CELF4: variants seen among roughly 807,000 people sequenced by gnomAD.
CELF4 encodes the protein CUG-BP- and ETR-3-like factor 4.
CELF4 carries 18 observed loss-of-function variants against 59.9 expected under a neutral mutation model. The observed-to-expected ratio is 0.30, with a 90% CI of 0.21 to 0.45. The LOEUF is 0.45. Ranked by LOEUF, CELF4 falls within the 20% of genes least tolerant of loss-of-function variation. The pLI, the probability that CELF4 is intolerant of heterozygous loss-of-function variation, is 1.00. For missense variants in CELF4, 456 were observed against 689.0 expected, an observed-to-expected ratio of 0.66 and a Z score of 3.79; for synonymous variants, 261 against 267.1, an observed-to-expected ratio of 0.98 and a Z score of 0.22.
chr18:37,513,932 G>C (rs1296966257), intron 1 of CELF4, among the ~76,000 whole-genome samples: 3 of 140,310 alleles, frequency 2.1e-5, no homozygotes, highest in Non-Finnish European at 4.6e-5. Flanking sequence ...CTTCCCTTCT[G>C]TGTGGTGCCG....
chr18:37,388,726 G>A (rs552709563), intron 2 of CELF4, among the ~76,000 whole-genome samples: 1 of 152,258 alleles, frequency 6.6e-6, no homozygotes, highest in Admixed American at 6.5e-5. Flanking sequence ...ATGGGAGTAG[G>A]GGGCCTCCCA....
chr18:37,503,152 G>A (rs906833295), intron 1 of CELF4, among the ~76,000 whole-genome samples: 18 of 152,212 alleles, frequency 1.2e-4, no homozygotes, highest in African/African-American at 4.1e-4. Context: ...ATGTGTGTGT[G>A]TCTAAAGGCC....
chr18:37,297,297 A>G lies in CELF4; in HGVS notation c.449-22054T>C, dbSNP rs570196255. Among the ~76,000 whole-genome samples, 3 of 152,334 alleles carry G rather than the reference A, an allele frequency of 2.0e-5. No homozygotes were observed. The South Asian group carries it at 6.2e-4, about 32-fold the overall frequency. On this transcript the variant is annotated intron_variant, in intron 3 of 12. Coordinates refer to ENST00000420428, the MANE Select transcript of CELF4 (RefSeq NM_020180.4). Reference sequence around the variant, plus strand: ...CCAAGGGGCCTTGAATCCCACCATTAGAGCCTCATCTCTTTGGGGTAAGCA... The same window carrying G: ...CCAAGGGGCCTTGAATCCCACCATTGGAGCCTCATCTCTTTGGGGTAAGCA...
intron 1 of CELF4, among the ~76,000 whole-genome samples, chr18:37,527,771 A>G (rs574368501): frequency 3.3e-5 from 5 of 152,284 alleles, no homozygotes; most frequent in African/African-American, 1.2e-4. Context: ...TTTTCCACAC[A>G]TGCTTTACCT....
intron 3 of CELF4, among the ~76,000 whole-genome samples, chr18:37,321,541 G>A (rs762737281): frequency 6.6e-6 from 1 of 152,206 alleles, no homozygotes; most frequent in Non-Finnish European, 1.5e-5. Context: ...GAGGGGAGAA[G>A]AATATCCTGG....
intron 1 of CELF4, among the ~76,000 whole-genome samples, chr18:37,510,917 C>CCT (rs2099943571): frequency 6.6e-6 from 1 of 152,164 alleles, no homozygotes; most frequent in Non-Finnish European, 1.5e-5. Context: ...GCTCTGCCTT[C>CCT]CTGGGTGGTC....
At chr18:37,388,450 T>C (rs909262548) in intron 2 of CELF4, among the ~76,000 whole-genome samples, 1 of 151,130 alleles carries the variant, frequency 6.6e-6, no homozygotes, top group Admixed American at 6.6e-5. Context: ...CTCTCCTTCT[T>C]CTCTGTCTTC....
intron 2 of CELF4, among the ~76,000 whole-genome samples, chr18:37,412,433 G>C (rs1029897349): frequency 6.6e-6 from 1 of 152,186 alleles, no homozygotes; most frequent in Non-Finnish European, 1.5e-5. Context: ...AATATAGATG[G>C]ATGGATGGAT....
intron 2 of CELF4, among the ~76,000 whole-genome samples, chr18:37,484,370 G>A (rs1013502403): frequency 3.3e-5 from 5 of 152,130 alleles, no homozygotes; most frequent in African/African-American, 1.2e-4. Flanking sequence ...ATGTAGCCGC[G>A]CAACTGAAAA....
chr18:37,262,793 G>A (rs2075536954), intron 10 of CELF4, among the ~76,000 whole-genome samples: 1 of 152,166 alleles, frequency 6.6e-6, no homozygotes, highest in Non-Finnish European at 1.5e-5. Flanking sequence ...TTGGACTGTG[G>A]GGAAGGCAAG....
Position 37,245,347 on chromosome 18 carries a change from T to C in CELF4, c.*45-150A>G, listed in dbSNP as rs2154246563. On this transcript the variant is annotated intron_variant, in intron 12 of 12. Coordinates refer to ENST00000420428, the MANE Select transcript of CELF4 (RefSeq NM_020180.4). The surrounding 1 kb of genome is among the most constrained non-coding windows in gnomAD (Gnocchi z 4.1). Reference sequence around the variant, plus strand: ...GAGAGACCAGTATGAGAATTAGTCATGATCATGATACATTAAAAAGAAATA... The same window carrying C: ...GAGAGACCAGTATGAGAATTAGTCACGATCATGATACATTAAAAAGAAATA... 6.6e-6 allele frequency: 1 copy of C among 152,142 alleles called. No individual in the cohort carries two copies. Among genetic ancestry groups the C allele is most frequent in the East Asian group, 1.9e-4 (1 of 5,156 alleles). The allele number at this position is 152,142 out of a possible 1,614,324, so 9.4% of individuals were successfully genotyped here. A position where few individuals can be genotyped will look rare whatever the true frequency, so the allele number is the denominator to read the frequency against.
chr18:37,310,735 G>A (rs186113851), intron 3 of CELF4, among the ~76,000 whole-genome samples: 3 of 151,466 alleles, frequency 2.0e-5, no homozygotes, highest in South Asian at 2.1e-4. Flanking sequence ...CCAGGGGGAC[G>A]CTGGATACAT....
chr18:37,287,403 G>A (rs1199052435), intron 3 of CELF4, among the ~76,000 whole-genome samples: 1 of 152,214 alleles, frequency 6.6e-6, no homozygotes, highest in Non-Finnish European at 1.5e-5. Context: ...ACATGCCTGA[G>A]CCTGGCCATC....
At chr18:37,289,741 A>T (rs1334785475) in intron 3 of CELF4, among the ~76,000 whole-genome samples, 2 of 152,194 alleles carry the variant, frequency 1.3e-5, no homozygotes, top group African/African-American at 4.8e-5. Context: ...CAGACAAGCT[A>T]AGAAACTGGT....
At chr18:37,465,067 G>GGGCA (rs1392178162) in intron 2 of CELF4, among the ~76,000 whole-genome samples, 1 of 152,136 alleles carries the variant, frequency 6.6e-6, no homozygotes, top group Non-Finnish European at 1.5e-5. Context: ...CAATTAAAGA[G>GGGCA]GGCAATTCCT....
At chr18:37,461,439 CT>C (rs2099793262) in intron 2 of CELF4, among the ~76,000 whole-genome samples, 2 of 152,160 alleles carry the variant, frequency 1.3e-5, no homozygotes, top group African/African-American at 4.8e-5. Context: ...GGAAAAGCCC[CT>C]TATAAAACCA....
intron 12 of CELF4, among the ~76,000 whole-genome samples, chr18:37,250,028 C>T (rs2064492332): frequency 1.3e-5 from 2 of 152,144 alleles, no homozygotes; most frequent in Non-Finnish European, 2.9e-5. Flanking sequence ...TGCTAGAAGT[C>T]TGAGAACCTG....
At chr18:37,443,794 C>T (rs1252171711) in intron 2 of CELF4, among the ~76,000 whole-genome samples, 1 of 152,170 alleles carries the variant, frequency 6.6e-6, no homozygotes, top group Non-Finnish European at 1.5e-5. Context: ...CAAGCTCAAT[C>T]CCTTTTGCGC....
At chr18:37,435,955 G>A (rs1012264343) in intron 2 of CELF4, among the ~76,000 whole-genome samples, 2 of 152,138 alleles carry the variant, frequency 1.3e-5, no homozygotes, top group African/African-American at 4.8e-5. Flanking sequence ...TTACAGATTG[G>A]AGCAGGTGGT....
Sources: gnomAD v4.1 joint callset for allele counts (sites outside exome capture counted in the v4.1 genomes callset) on GRCh38, gnomAD v4.1.1 for gene constraint, Gnocchi (gnomAD v3.1) non-coding constraint, MANE v1.5 for transcripts, NCBI Gene and HGNC (gene_info 2026-07-23, HGNC 2026-07-21) for gene names.